The following FKBP15 variants were observed in gnomAD, a reference collection of about 807,000 sequenced individuals.
FKBP15 encodes the protein FK506-binding protein 15.
FKBP15 carries 106 observed loss-of-function variants against 158.1 expected under a neutral mutation model. The ratio of observed to expected loss-of-function variants is 0.67; its 90% CI spans 0.57 to 0.79. FKBP15 has a LOEUF of 0.79. FKBP15 is among the 30% of genes least tolerant of loss of function. FKBP15 has a pLI of 0.00. For synonymous variants in FKBP15, 547 were observed against 548.6 expected (o/e 1.00, Z 0.04); for missense variants, 1,287 against 1,479.1 (o/e 0.87, Z 2.13).
At chr9:113,170,403 A>T (rs374154949) in intron 25 of FKBP15, 119 bp downstream of exon 25, 1 of 755,472 alleles carries the variant, frequency 1.3e-6, no homozygotes, top group East Asian at 2.5e-5. Flanking sequence ...AAATGCTGGG[A>T]TTACAAGCAT....
chr9:113,215,465 T>C (rs1230269115), intron 1 of FKBP15, among the ~76,000 whole-genome samples: 1 of 151,558 alleles, frequency 6.6e-6, no homozygotes, highest in African/African-American at 2.4e-5. Flanking sequence ...GTGAGCGTGG[T>C]TTGTGGCAAC....
intron 1 of FKBP15, among the ~76,000 whole-genome samples, chr9:113,215,245 CT>C (rs1301621726): frequency 6.6e-6 from 1 of 151,992 alleles, no homozygotes; most frequent in African/African-American, 2.4e-5. Flanking sequence ...ATCATTTCTA[CT>C]TTTTTTAAAG....
In FKBP15 at chr9:113,171,601, C is replaced by G. The variant is rs956501792; in HGVS notation, c.2638G>C (p.Ala880Pro). 1.2e-5 allele frequency: 19 copies of G among 1,607,208 alleles called. No individual in the cohort carries two copies. Among genetic ancestry groups the G allele is most frequent in the Non-Finnish European group, 1.5e-5 (18 of 1,176,536 alleles). ...KSQMSGVEAAASDPSEKVKKI... is the reference protein window; with the variant it reads ...KSQMSGVEAAPSDPSEKVKKI... ...CTCACCTTCTCTGAGGGGTCAGATG[C>G]AGCAGCTTCAACCCCAGACATCTGG... The change falls in exon 24 of 28, where the codon GCA (alanine) becomes CCA (proline). Residue 880 changes from alanine (A) to proline (P), a missense_variant. Transcript: ENST00000238256.
intron 21 of FKBP15, among the ~76,000 whole-genome samples, chr9:113,175,636 G>GA (rs1340612381): frequency 2.6e-5 from 4 of 152,068 alleles, no homozygotes; most frequent in African/African-American, 9.7e-5. Context: ...CAGCAAGCTA[G>GA]AAAAATATTT....
Position 113,168,548 on chromosome 9 carries a change from C to G in FKBP15, c.3494G>C (p.Gly1165Ala). Reference protein sequence around the residue: ...SHHSQRSSLSGDEEDELFKGA... With the variant: ...SHHSQRSSLSADEEDELFKGA... ...TTTAAACAGTTCATCCTCTTCATCC[C>G]CAGAGAGACTGAAGGAAAATCAAGT... The change falls in exon 27 of 28, where the codon GGG becomes GCG. Residue 1165 changes from glycine to alanine, a missense_variant. Physicochemically the swap from Gly to Ala is moderately conservative, Grantham distance 60 (BLOSUM62 0). Coordinates refer to ENST00000238256, the MANE Select transcript of FKBP15 (RefSeq NM_015258.2). 1.2e-6 allele frequency: 2 copies of G among 1,613,748 alleles called. No individual in the cohort carries two copies. The highest frequency in any genetic ancestry group is 8.5e-7 in the Non-Finnish European group (1 of 1,179,676).
At chr9:113,192,499 A>C (rs1206121242) in intron 11 of FKBP15, among the ~76,000 whole-genome samples, 2 of 152,174 alleles carry the variant, frequency 1.3e-5, no homozygotes. Flanking sequence ...AAAGGCATTC[A>C]AATCCAGATT....
At chr9:113,221,028 G>C (rs1460239415) in intron 1 of FKBP15, among the ~76,000 whole-genome samples, 163 bp downstream of exon 1, 1 of 152,210 alleles carries the variant, frequency 6.6e-6, no homozygotes, top group Non-Finnish European at 1.5e-5. Flanking sequence ...GGTCAGCACA[G>C]TTGCAAGTTC....
At chr9:113,201,113 T>C (rs1830782516) in intron 6 of FKBP15, among the ~76,000 whole-genome samples, 1 of 150,836 alleles carries the variant, frequency 6.6e-6, no homozygotes, top group Admixed American at 6.6e-5. Context: ...TTTTTTTTTT[T>C]AACCAAGTGA....
chr9:113,219,889 A>C (rs142290577), intron 1 of FKBP15, among the ~76,000 whole-genome samples: 8 of 152,352 alleles, frequency 5.3e-5, no homozygotes, highest in Admixed American at 3.3e-4. Flanking sequence ...CTCAAAGTGG[A>C]ACTAAGTGAA....
intron 1 of FKBP15, among the ~76,000 whole-genome samples, chr9:113,217,586 T>C (rs1445494873): frequency 2.0e-5 from 3 of 152,210 alleles, no homozygotes; most frequent in Non-Finnish European, 4.4e-5. Flanking sequence ...TAGCAGGGCA[T>C]GGTGGCTCAC....
chr9:113,209,840 A>G (rs1361224976), intron 2 of FKBP15, among the ~76,000 whole-genome samples: 1 of 152,234 alleles, frequency 6.6e-6, no homozygotes, highest in Non-Finnish European at 1.5e-5. Context: ...ACAACATTCC[A>G]TTTTATAGAA....
rs568407541 is a variant in FKBP15, at chr9:113,165,336, A to G, written c.*742T>C. ...CATCATGCCCCAGGGATGAGCTAGG[A>G]CTACAGTGGTGACTTTCTTTGAAAG... On this transcript the variant is annotated 3_prime_UTR_variant, in exon 28 of 28. Transcript: ENST00000238256. 6.6e-6 allele frequency: 1 copy of G among 152,330 alleles called. No homozygotes were observed. The highest frequency in any genetic ancestry group is 1.9e-4 in the East Asian group (1 of 5,180). 9.4% of individuals were successfully genotyped at this position (152,330 alleles called of 1,614,324 possible).
At chr9:113,195,418 G>C (rs1032836443) in intron 9 of FKBP15, among the ~76,000 whole-genome samples, 2 of 152,088 alleles carry the variant, frequency 1.3e-5, no homozygotes, top group African/African-American at 4.8e-5. Flanking sequence ...ACTCAAATTG[G>C]TTTGTTATCT....
chr9:113,193,363 C>A (rs571896357), intron 11 of FKBP15, 129 bp downstream of exon 11: 1 of 543,830 alleles, frequency 1.8e-6, no homozygotes, highest in Non-Finnish European at 3.1e-6. Context: ...AAAGGAGAGA[C>A]GAGGTCTCAC....
At chr9:113,194,451 A>T (rs1042807107) in intron 9 of FKBP15, among the ~76,000 whole-genome samples, 44 of 62,128 alleles carry the variant, frequency 7.1e-4, no homozygotes, top group African/African-American at 1.8e-3. Context: ...TAAATAAATT[A>T]AAAAAAAAAA....
At position 113,176,046 on chromosome 9, in the gene FKBP15, A is replaced by G. The variant is rs180783750; in HGVS notation, c.2223+491T>C. The stretch of plus-strand genomic sequence containing the variant: ...GGAATGCTCAAACAAATTTGCAAAA[A>G]CAGTTATATAATATGAGAATGTCCA... On this transcript the variant is annotated intron_variant, in intron 21 of 27. Coordinates refer to ENST00000238256, the MANE Select transcript of FKBP15 (RefSeq NM_015258.2). Among the ~76,000 whole-genome samples the G allele has an allele frequency of 2.0e-5, 3 of 152,356 alleles. No individual in the cohort carries two copies. The East Asian group carries it at 5.8e-4, about 29-fold the overall frequency.
intron 5 of FKBP15, 43 bp downstream of exon 5, chr9:113,202,918 C>G: frequency 6.8e-7 from 1 of 1,478,176 alleles, no homozygotes; most frequent in African/African-American, 1.4e-5. Flanking sequence ...TCCTGTAAAC[C>G]TATCCCGAAG....
At chr9:113,186,496 G>C in intron 14 of FKBP15, 133 bp from the exon 15 acceptor site, 1 of 676,600 alleles carries the variant, frequency 1.5e-6, no homozygotes, top group South Asian at 1.8e-5. Flanking sequence ...AGATGGGTGA[G>C]ATCTGGGTTT....
chr9:113,174,699 T>C (rs1055923584), intron 21 of FKBP15, 116 bp from the exon 22 acceptor site: 2 of 1,108,358 alleles, frequency 1.8e-6, no homozygotes, highest in Admixed American at 3.1e-5. Context: ...GAAAACTCCA[T>C]TTTTTAGTTG....
Sources: gnomAD v4.1 joint callset for allele counts (sites outside exome capture counted in the v4.1 genomes callset) on GRCh38, gnomAD v4.1.1 for gene constraint, MANE v1.5 for transcripts, NCBI Gene and HGNC (gene_info 2026-07-23, HGNC 2026-07-21) for gene names.